Variants in IPO7 observed in about 807,000 individuals in gnomAD.
IPO7 encodes the protein importin-7.
A neutral mutation model predicts 136.4 loss-of-function variants in IPO7; 13 were observed. The ratio of observed to expected loss-of-function variants is 0.10; its 90% CI spans 0.06 to 0.15. The LOEUF (loss-of-function observed/expected upper bound fraction) is 0.15, where lower values mean the gene tolerates loss of function less well. Ranked by LOEUF, IPO7 falls within the 10% of genes least tolerant of loss-of-function variation. The pLI is 1.00. For missense variants in IPO7, 857 were observed against 1,240.6 expected (o/e 0.69, Z 4.65); for synonymous variants, 403 against 404.4 (o/e 1.00, Z 0.04).
intron 14 of IPO7, 27 bp from the exon 15 acceptor site, chr11:9,429,647 G>A (rs759551475): frequency 6.3e-6 from 10 of 1,579,464 alleles, no homozygotes; most frequent in South Asian, 4.7e-5. Context: ...GGGGTTTTAC[G>A]CAAGTTTTTT....
chr11:9,422,037 T>C (rs1172317539), intron 8 of IPO7, among the ~76,000 whole-genome samples: 2 of 152,320 alleles, frequency 1.3e-5, no homozygotes, highest in African/African-American at 4.8e-5. Context: ...CCCAGCACTT[T>C]GGAAGGCCAT....
intron 1 of IPO7, among the ~76,000 whole-genome samples, chr11:9,390,281 T>TTGTG (rs199592752): frequency 6.6e-6 from 1 of 151,520 alleles, no homozygotes; most frequent in Non-Finnish European, 1.5e-5. Context: ...TCTTGATATT[T>TTGTG]TGTGTGTGTG....
chr11:9,413,196 G>A (rs143934801), intron 4 of IPO7, among the ~76,000 whole-genome samples: 102 of 151,816 alleles, frequency 6.7e-4, no homozygotes, highest in African/African-American at 2.4e-3. Flanking sequence ...ACTTTTTAAC[G>A]ATACTTTTTT....
intron 20 of IPO7, among the ~76,000 whole-genome samples, chr11:9,437,265 T>C (rs1855389631): frequency 6.6e-6 from 1 of 151,322 alleles, no homozygotes; most frequent in African/African-American, 2.4e-5. Context: ...ATTTATTTCA[T>C]ATATTTTTTT....
chr11:9,433,313 A>G (rs1855326104), intron 16 of IPO7: 4 of 447,678 alleles, frequency 8.9e-6, no homozygotes, highest in African/African-American at 2.0e-5. Context: ...AGTTGTTTGC[A>G]TTTTTCGAGA....
intron 6 of IPO7, among the ~76,000 whole-genome samples, chr11:9,418,619 G>A (rs963212120): frequency 6.6e-6 from 1 of 152,106 alleles, no homozygotes; most frequent in African/African-American, 2.4e-5. Context: ...CTAGTTTGGT[G>A]TATATTTTTC....
intron 5 of IPO7, chr11:9,414,720 G>GT (rs1855017328): frequency 6.9e-6 from 1 of 145,308 alleles, no homozygotes; most frequent in Non-Finnish European, 1.4e-5. Flanking sequence ...CTGCCTCCCG[G>GT]TTTCAAGCGA....
Position 9,445,247 on chromosome 11 carries a change from C to A in IPO7, c.*53C>A. On this transcript the variant is annotated 3_prime_UTR_variant, in exon 25 of 25. Coordinates refer to ENST00000379719, the MANE Select transcript of IPO7 (RefSeq NM_006391.3). ...TTGTAGTGAAGAGCTTGTGTTCCTC[C>A]TAGTAGTGGTTCCAGAACTGGTTCA... The A allele has an allele frequency of 8.9e-7, 1 of 1,117,514 alleles. No homozygotes were observed. The highest frequency in any genetic ancestry group is 1.4e-6 in the Non-Finnish European group (1 of 731,420). The allele number at this position is 1,117,514 out of a possible 1,614,324, so 69.2% of individuals were successfully genotyped here. A position where few individuals can be genotyped will look rare whatever the true frequency, so the allele number is the denominator to read the frequency against.
Position 9,445,172 on chromosome 11 carries a change from G to A in IPO7, c.3095G>A (p.Gly1032Asp), listed in dbSNP as rs1855511183. Reference protein sequence around the residue: ...PVVPSSFNFGGPAPGMN With the variant: ...PVVPSSFNFGDPAPGMN ...GTGCCAAGTTCTTTCAATTTTGGAG[G>A]CCCAGCACCAGGGATGAATTGAGTT... Residue 1032 changes from glycine to aspartate, a missense_variant, in exon 25 of 25, where the codon GGC (glycine) becomes GAC (aspartate). Physicochemically the swap from Gly to Asp is moderately conservative, Grantham distance 94. This residue lies in a region of IPO7 where 13 missense variants were observed against 19.6 expected (regional missense o/e 0.66). Coordinates refer to ENST00000379719, the MANE Select transcript of IPO7 (RefSeq NM_006391.3). The A allele has an allele frequency of 5.0e-6, 8 of 1,598,990 alleles. No homozygotes were observed. Among genetic ancestry groups the A allele is most frequent in the Non-Finnish European group, 6.9e-6 (8 of 1,166,130 alleles).
chr11:9,412,635 G>GT (rs1854982373), intron 4 of IPO7, among the ~76,000 whole-genome samples: 1 of 152,202 alleles, frequency 6.6e-6, no homozygotes, highest in South Asian at 2.1e-4. Context: ...GGGCAACATA[G>GT]TGGAACCCCG....
chr11:9,403,839 A>G (rs1232552443), intron 2 of IPO7, among the ~76,000 whole-genome samples: 1 of 152,182 alleles, frequency 6.6e-6, no homozygotes, highest in African/African-American at 2.4e-5. Context: ...GTTAGTCTGT[A>G]AAAAATAATG....
rs1389977294 is a variant in IPO7, at chr11:9,437,665, T to A, written c.2269-89T>A. On this transcript the variant is annotated intron_variant, in intron 20 of 24. Coordinates refer to ENST00000379719, the MANE Select transcript of IPO7 (RefSeq NM_006391.3). ...TGGTCATCTAATGCTACAATAGGGT[T>A]AATTGAGGCAACAAAGAAGTTAATA... 3 of 906,822 alleles carry A rather than the reference T, an allele frequency of 3.3e-6. No homozygotes were observed. The African/African-American group carries it at 5.0e-5, about 15-fold the overall frequency. 56.2% of individuals were successfully genotyped at this position (906,822 alleles called of 1,614,324 possible). A position where few individuals can be genotyped will look rare whatever the true frequency, so the allele number is the denominator to read the frequency against.
Position 9,384,767 on chromosome 11 carries a change from G to T in IPO7, c.4G>T (p.Asp2Tyr). The T allele has an allele frequency of 1.1e-5, 17 of 1,602,550 alleles. No homozygotes were observed. Among genetic ancestry groups the T allele is most frequent in the Non-Finnish European group, 1.4e-5 (17 of 1,174,790 alleles). The change falls in exon 1 of 25, where the codon GAC becomes TAC. Residue 2 changes from aspartate (D) to tyrosine (Y), a missense_variant. By Grantham distance (160) the Asp-to-Tyr change is radical. Transcript: ENST00000379719. ...GTTTGACCGAGTCCGCGCTGCGATG[G>T]ACCCCAACACCATTATCGAGGCCCT... MDPNTIIEALRG... is the reference protein window; with the variant it reads MYPNTIIEALRG...
At chr11:9,428,017 G>A (rs1478293793) in intron 12 of IPO7, among the ~76,000 whole-genome samples, 1 of 152,058 alleles carries the variant, frequency 6.6e-6, no homozygotes, top group Non-Finnish European at 1.5e-5. Flanking sequence ...AATACTGAGA[G>A]TGCCTTTTTA....
chr11:9,424,951 C>G lies in IPO7; in HGVS notation c.1179C>G (p.Ala393=), dbSNP rs765771898. 54 of 1,591,614 alleles carry G rather than the reference C, an allele frequency of 3.4e-5. No homozygotes were observed. The East Asian group carries it at 1.2e-3, about 35-fold the overall frequency. The change falls in exon 11 of 25, where the codon GCC becomes GCG. Residue 393 remains alanine, a synonymous_variant. Coordinates refer to ENST00000379719, the MANE Select transcript of IPO7 (RefSeq NM_006391.3). The part of the protein sequence containing the change: ...FEDFISPTTA[A]QTLLFTACSK... ...ATTTCATTTCTCCTACCACTGCTGC[C>G]CAGACACTTTTGTTTACAGCCTGTA...
rs141312094 is a variant in IPO7, at chr11:9,439,579, T to G, written c.2696-876T>G. On this transcript the variant is annotated intron_variant, in intron 22 of 24. Coordinates refer to ENST00000379719, the MANE Select transcript of IPO7 (RefSeq NM_006391.3). Reference sequence around the variant, plus strand: ...TTATGGGGGTTTTTTTTGTTTGTTTTTTTTTGTTGTTGTTGTTGAGACGGA... The same window carrying G: ...TTATGGGGGTTTTTTTTGTTTGTTTGTTTTTGTTGTTGTTGTTGAGACGGA... 2.1e-3 allele frequency among the ~76,000 whole-genome samples: 325 copies of G among 152,216 alleles called. 2 individuals are homozygous for G. Among genetic ancestry groups the G allele is most frequent in the African/African-American group, 7.3e-3 (304 of 41,534 alleles).
chr11:9,437,970 T>C lies in IPO7; in HGVS notation c.2485T>C (p.Leu829=). ...GTGGCTTAATGATGTTGACTGTTTC[T>C]TGGGGTAAGTGATGTATTGCAATTT... ...TQWLNDVDCF[L]GLHDRKMCVL... The change falls in exon 21 of 25, where the codon TTG becomes CTG. Residue 829 remains leucine (L), a synonymous_variant. Transcript: ENST00000379719. 6.2e-7 allele frequency: 1 copy of C among 1,612,130 alleles called. No individual in the cohort carries two copies. Among genetic ancestry groups the C allele is most frequent in the Non-Finnish European group, 8.5e-7 (1 of 1,178,474 alleles).
chr11:9,392,703 C>CT (rs1435274149), intron 1 of IPO7, among the ~76,000 whole-genome samples: 1 of 152,012 alleles, frequency 6.6e-6, no homozygotes, highest in Admixed American at 6.6e-5. Flanking sequence ...TATCCCAGCA[C>CT]TTTGGGAGGC....
At chr11:9,405,420 C>T (rs965420160) in intron 2 of IPO7, among the ~76,000 whole-genome samples, 1 of 152,186 alleles carries the variant, frequency 6.6e-6, no homozygotes, top group African/African-American at 2.4e-5. Flanking sequence ...GTGATCTGCC[C>T]TGCCTCTGCC....
Sources: gnomAD v4.1 joint callset for allele counts (sites outside exome capture counted in the v4.1 genomes callset) on GRCh38, gnomAD v4.1.1 for gene constraint, gnomAD v4.1.1 regional missense constraint, MANE v1.5 for transcripts, NCBI Gene and HGNC (gene_info 2026-07-23, HGNC 2026-07-21) for gene names.